The following TRA2B variants were observed in gnomAD, a reference collection of about 807,000 sequenced individuals.
TRA2B encodes transformer-2 protein homolog beta.
A neutral mutation model predicts 41.7 loss-of-function variants in TRA2B; 14 were observed. That is an observed-to-expected ratio of 0.34 (90% CI 0.22 to 0.53). TRA2B has a LOEUF of 0.53. Among genes scored for constraint, TRA2B ranks in the 20% least tolerant of loss-of-function variants. The probability of loss-of-function intolerance (pLI) is 0.95; values close to 1 mark genes in which losing one functional copy is unlikely to be tolerated. For missense variants in TRA2B, 167 were observed against 396.8 expected, an observed-to-expected ratio of 0.42 and a Z score of 4.92; for synonymous variants, 130 against 128.8, an observed-to-expected ratio of 1.01 and a Z score of -0.06.
chr3:185,937,802 C>A (rs764721023), intron 1 of TRA2B, 23 bp downstream of exon 1: 23 of 1,613,942 alleles, frequency 1.4e-5, no homozygotes, highest in Non-Finnish European at 1.8e-5. Context: ...CACACAGCCA[C>A]CCCCTACCGC....
intron 1 of TRA2B, chr3:185,937,547 G>A (rs913737594): frequency 3.0e-6 from 3 of 998,886 alleles, no homozygotes; most frequent in South Asian, 7.3e-5. Context: ...GGGACGCAGC[G>A]GCCATTTTCA....
At chr3:185,936,760 G>C (rs563001520) in intron 1 of TRA2B, 26 of 984,508 alleles carry the variant, frequency 2.6e-5, no homozygotes, top group African/African-American at 5.3e-5. Flanking sequence ...CCTTCTAACA[G>C]ATTCCTCTTA....
intron 1 of TRA2B, chr3:185,928,066 T>TATTCTGGAC (rs1167945044): frequency 6.6e-6 from 1 of 152,198 alleles, no homozygotes; most frequent in Non-Finnish European, 1.5e-5. Context: ...ATCTTCAGAG[T>TATTCTGGAC]ATTCTGGACA....
intron 1 of TRA2B, chr3:185,931,967 AAAAAG>A (rs763039440): frequency 3.2e-5 from 25 of 779,778 alleles, no homozygotes; most frequent in Non-Finnish European, 4.3e-5. Flanking sequence ...AAAAAAAAAA[AAAAAG>A]AAACTAGAAT....
intron 6 of TRA2B, among the ~76,000 whole-genome samples, chr3:185,920,269 A>G (rs973304843): frequency 1.3e-5 from 2 of 152,232 alleles, no homozygotes; most frequent in Non-Finnish European, 2.9e-5. Context: ...AACTGCCTGA[A>G]AAGTGTTGGC....
At chr3:185,933,561 T>C (rs569659600) in intron 1 of TRA2B, among the ~76,000 whole-genome samples, 2 of 152,246 alleles carry the variant, frequency 1.3e-5, no homozygotes, top group South Asian at 4.1e-4. Flanking sequence ...GACAAGGCAA[T>C]ATTTTAAAAA....
At chr3:185,934,434 A>C in intron 1 of TRA2B, 1 of 985,434 alleles carries the variant, frequency 1.0e-6, no homozygotes, top group Non-Finnish European at 1.2e-6. Context: ...CTTACCTTAT[A>C]AAATCACCTG....
chr3:185,935,185 G>C (rs1267176850), intron 1 of TRA2B: 2 of 985,300 alleles, frequency 2.0e-6, no homozygotes, highest in Middle Eastern at 5.2e-4. Context: ...AATGGTGCTA[G>C]TCAACCCCTT....
chr3:185,925,564 T>TGGGAGCGGGAGC lies in TRA2B; in HGVS notation c.221_232dup (p.Arg74_Ser77dup), dbSNP rs758176248. 1.2e-6 allele frequency: 2 copies of TGGGAGCGGGAGC among 1,614,094 alleles called. No homozygotes were observed. The highest frequency in any genetic ancestry group is 1.3e-5 in the African/African-American group (1 of 74,926). On this transcript the variant is annotated inframe_insertion, in exon 3 of 9. Coordinates refer to ENST00000453386, the MANE Select transcript of TRA2B (RefSeq NM_004593.3). ...GTAAGACCTGCTACGTGATCGTCTA[T>TGGGAGCGGGAGC]GGGAGCGGGAGCGAGACCGTGACCG...
chr3:185,937,226 G>A, intron 1 of TRA2B: 1 of 985,910 alleles, frequency 1.0e-6, no homozygotes, highest in Non-Finnish European at 1.2e-6. Flanking sequence ...GTCGGCCTTG[G>A]ATTAGTTTCC....
chr3:185,917,590 G>T lies in TRA2B; in HGVS notation c.*125C>A. 1 of 914,392 alleles carries T rather than the reference G, an allele frequency of 1.1e-6. No individual in the cohort carries two copies. Among genetic ancestry groups the T allele is most frequent in the Non-Finnish European group, 1.7e-6 (1 of 599,908 alleles). The allele number at this position is 914,392 out of a possible 1,614,324, so 56.6% of individuals were successfully genotyped here. On this transcript the variant is annotated 3_prime_UTR_variant, in exon 9 of 9. Coordinates refer to ENST00000453386, the MANE Select transcript of TRA2B (RefSeq NM_004593.3). Reference sequence around the variant, plus strand: ...TTCAACTCCACCAAAAGTAGTCATCGTAAAAGGTGTAAAAGTCACCTAACT... The same window carrying T: ...TTCAACTCCACCAAAAGTAGTCATCTTAAAAGGTGTAAAAGTCACCTAACT...
chr3:185,926,854 G>T, intron 1 of TRA2B, 120 bp from the exon 2 acceptor site: 2 of 1,248,150 alleles, frequency 1.6e-6, no homozygotes, highest in Non-Finnish European at 2.2e-6. Context: ...GAAAATATAG[G>T]TAAGGGCAGG....
intron 1 of TRA2B, among the ~76,000 whole-genome samples, chr3:185,933,007 G>A (rs1032426986): frequency 6.6e-6 from 1 of 152,102 alleles, no homozygotes; most frequent in Non-Finnish European, 1.5e-5. Flanking sequence ...TATTTAATCC[G>A]AAAATTTTTA....
rs761002193 is a variant in TRA2B, at chr3:185,919,454, G to T, written c.765C>A (p.Asp255Glu). 35 of 1,613,510 alleles carry T rather than the reference G, an allele frequency of 2.2e-5. No individual in the cohort carries two copies. The highest frequency in any genetic ancestry group is 3.0e-5 in the Non-Finnish European group (35 of 1,179,856). The change falls in exon 7 of 9, where the codon GAC (aspartate) becomes GAA (glutamate). Residue 255 changes from aspartate (D) to glutamate (E), a missense_variant. By Grantham distance (45) the Asp-to-Glu change is conservative. This residue lies in a region of TRA2B where 30 missense variants were observed against 46.7 expected (regional missense o/e 0.64). Transcript: ENST00000453386. ...TGGCATACCTATAAATCTGATCCCT[G>T]TCTTGGGCAGCTCTCCATCCTCCTC... The part of the protein sequence containing the change: ...GGGGGWRAAQ[D>E]RDQIYRRRSP...
At chr3:185,927,406 A>G (rs1743993381) in intron 1 of TRA2B, 2 of 152,202 alleles carry the variant, frequency 1.3e-5, no homozygotes. Context: ...AGCGAACTAC[A>G]CACAAATAAG....
chr3:185,935,294 C>A, intron 1 of TRA2B: 1 of 985,386 alleles, frequency 1.0e-6, no homozygotes, highest in African/African-American at 1.7e-5. Flanking sequence ...GTTAAGCCTG[C>A]TAATTAGACC....
intron 1 of TRA2B, chr3:185,934,422 T>C: frequency 6.1e-6 from 6 of 985,442 alleles, no homozygotes; most frequent in Non-Finnish European, 6.0e-6. Context: ...AAACCAGTAG[T>C]ACTTACCTTA....
At chr3:185,923,713 GTCCTTA>G (rs763904770) in intron 4 of TRA2B, 77 bp downstream of exon 4, 2 of 1,340,488 alleles carry the variant, frequency 1.5e-6, no homozygotes, top group African/African-American at 1.5e-5. Flanking sequence ...ACTTGTCCTT[GTCCTTA>G]TCCTAGCAAT....
intron 6 of TRA2B, 44 bp from the exon 7 acceptor site, chr3:185,919,540 GTTTTAAAAAATTATGTCA>G: frequency 6.5e-7 from 1 of 1,534,248 alleles, no homozygotes; most frequent in African/African-American, 1.4e-5. Flanking sequence ...CAGTTTGTAA[GTTTTAAAAAATTATGTCA>G]TTCATTTAGT....
Sources: allele counts gnomAD v4.1 joint callset (sites outside exome capture counted in the v4.1 genomes callset), GRCh38; gene constraint gnomAD v4.1.1; regional missense constraint gnomAD v4.1.1; transcripts MANE v1.5; gene names NCBI Gene and HGNC (gene_info 2026-07-23, HGNC 2026-07-21).